The following CLIC5 variants were observed in gnomAD, a reference collection of about 807,000 sequenced individuals.
The protein encoded by CLIC5 is CLIC family member 5, also known as chloride intracellular channel protein 5.
CLIC5 carries 20 observed loss-of-function variants against 24.7 expected under a neutral mutation model. The observed-to-expected ratio is 0.81, with a 90% CI of 0.57 to 1.18. The LOEUF (loss-of-function observed/expected upper bound fraction) is 1.18, where lower values mean the gene tolerates loss of function less well. CLIC5 is among the 50% of genes most tolerant of loss of function. CLIC5 has a pLI of 0.00. For synonymous variants in CLIC5, 159 were observed against 135.6 expected, an observed-to-expected ratio of 1.17 and a Z score of -1.20; for missense variants, 341 against 326.1, an observed-to-expected ratio of 1.05 and a Z score of -0.35.
chr6:46,041,034 G>C (rs573181643), intron 1 of CLIC5, among the ~76,000 whole-genome samples: 1 of 152,260 alleles, frequency 6.6e-6, no homozygotes, highest in South Asian at 2.1e-4. Flanking sequence ...AAAAGCCTCA[G>C]CAATAGGGAA....
chr6:46,047,111 C>T (rs1461099856), intron 1 of CLIC5, among the ~76,000 whole-genome samples: 1 of 152,230 alleles, frequency 6.6e-6, no homozygotes, highest in Non-Finnish European at 1.5e-5. Context: ...ACCAATGCCT[C>T]TTTTCATTAC....
At chr6:46,012,973 C>T (rs1340453409) in intron 1 of CLIC5, among the ~76,000 whole-genome samples, 1 of 152,186 alleles carries the variant, frequency 6.6e-6, no homozygotes, top group Non-Finnish European at 1.5e-5. Flanking sequence ...ATCTTTCCTT[C>T]TTCTTATCAT....
At chr6:46,124,526 C>T in the CLIC5 span, among the ~76,000 whole-genome samples, 18 of 152,306 alleles carry the variant, frequency 1.2e-4, no homozygotes, top group African/African-American at 4.3e-4. Flanking sequence ...GCAAGGACTT[C>T]ATGTCTGAAA....
the CLIC5 span, among the ~76,000 whole-genome samples, chr6:46,101,074 C>T: frequency 1.3e-5 from 2 of 152,206 alleles, no homozygotes; most frequent in Non-Finnish European, 2.9e-5. Flanking sequence ...AGAGAAAAAT[C>T]TCAGTACTCA....
intron 5 of CLIC5, among the ~76,000 whole-genome samples, chr6:45,910,731 C>G (rs1351631424): frequency 6.6e-6 from 1 of 152,174 alleles, no homozygotes; most frequent in Non-Finnish European, 1.5e-5. Context: ...CTTCTATTTA[C>G]TATTTTTTGT....
chr6:45,930,085 G>T (rs1271495532), intron 4 of CLIC5, among the ~76,000 whole-genome samples: 1 of 152,080 alleles, frequency 6.6e-6, no homozygotes, highest in African/African-American at 2.4e-5. Flanking sequence ...TTTAAACGTG[G>T]CTCACCACAT....
At chr6:46,009,739 G>A (rs555028528) in intron 1 of CLIC5, among the ~76,000 whole-genome samples, 1 of 152,170 alleles carries the variant, frequency 6.6e-6, no homozygotes, top group South Asian at 2.1e-4. Flanking sequence ...AATCTGCAAA[G>A]AGAACCAGGG....
chr6:46,043,858 G>A (rs1157625666), intron 1 of CLIC5, among the ~76,000 whole-genome samples: 3 of 152,226 alleles, frequency 2.0e-5, no homozygotes, highest in Non-Finnish European at 4.4e-5. Context: ...AACTTGCAGA[G>A]GGCAGCAGAG....
chr6:45,946,789 G>C (rs554377667), intron 3 of CLIC5, among the ~76,000 whole-genome samples: 26 of 152,338 alleles, frequency 1.7e-4, no homozygotes, highest in African/African-American at 5.1e-4. Context: ...GGGTGCAAAG[G>C]CATCTAAGGT....
At chr6:46,129,418 T>G in the CLIC5 span, 2 of 152,230 alleles carry the variant, frequency 1.3e-5, no homozygotes, top group East Asian at 1.9e-4. Context: ...TCTGTCAAAG[T>G]AAGCACCCAT....
chr6:46,008,875 G>A (rs1023235133), intron 1 of CLIC5, among the ~76,000 whole-genome samples: 5 of 152,248 alleles, frequency 3.3e-5, no homozygotes, highest in South Asian at 2.1e-4. Flanking sequence ...TTGAAGTAGC[G>A]ACTGGACCAT....
intron 1 of CLIC5, among the ~76,000 whole-genome samples, chr6:46,045,014 T>A (rs377537039): frequency 5.9e-5 from 9 of 152,214 alleles, no homozygotes; most frequent in East Asian, 1.9e-4. Context: ...CATAAATAAA[T>A]CATTCTTAGC....
chr6:45,907,120 C>A (rs1025224957), intron 5 of CLIC5, among the ~76,000 whole-genome samples: 5 of 152,020 alleles, frequency 3.3e-5, no homozygotes, highest in Admixed American at 1.3e-4. Context: ...GGGGAATTAT[C>A]CCAGTTTTTG....
intron 1 of CLIC5, among the ~76,000 whole-genome samples, chr6:45,997,474 T>G (rs1170736998): frequency 1.4e-5 from 2 of 147,522 alleles, no homozygotes; most frequent in Non-Finnish European, 3.0e-5. Flanking sequence ...CTACACAATG[T>G]GCACATGTAC....
chr6:46,128,036 T>C, the CLIC5 span, among the ~76,000 whole-genome samples: 3 of 152,236 alleles, frequency 2.0e-5, no homozygotes, highest in Non-Finnish European at 4.4e-5. Context: ...TCCTGAAGTC[T>C]GCCTTACCTC....
At chr6:45,894,735 G>A (rs1398063284), downstream of CLIC5, among the ~76,000 whole-genome samples, 4 of 152,210 alleles carry the variant, frequency 2.6e-5, no homozygotes, top group Admixed American at 6.5e-5. Context: ...AGGGCCAAAT[G>A]ATTATAAGGT....
chr6:46,093,556 T>C, the CLIC5 span, among the ~76,000 whole-genome samples: 1 of 152,192 alleles, frequency 6.6e-6, no homozygotes, highest in Non-Finnish European at 1.5e-5. Context: ...AAGCAAAATA[T>C]GAATTAAAAC....
chr6:45,987,504 T>C (rs2127420105), intron 1 of CLIC5, among the ~76,000 whole-genome samples: 1 of 152,370 alleles, frequency 6.6e-6, no homozygotes, highest in South Asian at 2.1e-4. Flanking sequence ...GATTTTTGTA[T>C]CGTTGTTATA....
intron 1 of CLIC5, among the ~76,000 whole-genome samples, chr6:46,067,493 A>T (rs979133332): frequency 6.6e-6 from 1 of 152,184 alleles, no homozygotes; most frequent in Non-Finnish European, 1.5e-5. Flanking sequence ...AACAGTGTTC[A>T]GTAAATCATA....
Sources: allele counts gnomAD v4.1 joint callset (sites outside exome capture counted in the v4.1 genomes callset), GRCh38; gene constraint gnomAD v4.1.1; transcripts MANE v1.5; gene names NCBI Gene and HGNC (gene_info 2026-07-23, HGNC 2026-07-21).